Variants in SLC4A10 observed in about 807,000 individuals in gnomAD.
SLC4A10 encodes solute carrier family 4 member 10.
SLC4A10 carries 42 observed loss-of-function variants against 137.7 expected under a neutral mutation model. The observed-to-expected ratio is 0.30, with a 90% CI of 0.24 to 0.39. SLC4A10 has a LOEUF of 0.39. Ranked by LOEUF, SLC4A10 falls within the 10% of genes least tolerant of loss-of-function variation. SLC4A10 has a pLI of 1.00. For synonymous variants in SLC4A10, 474 were observed against 464.1 expected (o/e 1.02, Z -0.27); for missense variants, 925 against 1,355.0 (o/e 0.68, Z 4.98).
At chr2:161,821,785 T>C (rs896564534) in intron 3 of SLC4A10, among the ~76,000 whole-genome samples, 1 of 151,722 alleles carries the variant, frequency 6.6e-6, no homozygotes. Context: ...AAACATAATC[T>C]TAATCCCTTT....
chr2:161,948,843 C>A (rs925868944), intron 17 of SLC4A10, among the ~76,000 whole-genome samples: 7 of 152,102 alleles, frequency 4.6e-5, no homozygotes, highest in African/African-American at 9.7e-5. Flanking sequence ...TCTGAATATT[C>A]ACATGCATGG....
intron 23 of SLC4A10, among the ~76,000 whole-genome samples, chr2:161,973,071 G>A (rs529822631): frequency 6.6e-5 from 10 of 152,228 alleles, no homozygotes; most frequent in Admixed American, 1.3e-4. Flanking sequence ...AGGTGTTTCC[G>A]GAAGCTGGGT....
intron 3 of SLC4A10, 28 bp from the exon 4 acceptor site, chr2:161,839,761 A>G (rs766673995): frequency 2.5e-6 from 4 of 1,612,134 alleles, no homozygotes; most frequent in Middle Eastern, 1.7e-4. Flanking sequence ...ATACATGTTC[A>G]TGGTAATACA....
intron 1 of SLC4A10, among the ~76,000 whole-genome samples, chr2:161,690,647 C>T (rs2041885264): frequency 6.6e-6 from 1 of 152,062 alleles, no homozygotes; most frequent in African/African-American, 2.4e-5. Context: ...TTTGCATGAA[C>T]ATGGATGGAG....
intron 1 of SLC4A10, among the ~76,000 whole-genome samples, chr2:161,725,841 T>C (rs749183406): frequency 3.9e-5 from 6 of 152,228 alleles, no homozygotes; most frequent in Admixed American, 6.5e-5. Flanking sequence ...CTTTAATTGT[T>C]GGTTTTAGCA....
At chr2:161,659,541 G>A (rs1456439294) in intron 1 of SLC4A10, among the ~76,000 whole-genome samples, 1 of 152,100 alleles carries the variant, frequency 6.6e-6, no homozygotes, top group Non-Finnish European at 1.5e-5. Context: ...ATGGGTACAT[G>A]TGTATATTTT....
At position 161,971,053 on chromosome 2, in the gene SLC4A10, A is replaced by G. The variant is rs189480214; in HGVS notation, c.3160-3196A>G. Among the ~76,000 whole-genome samples the G allele has an allele frequency of 2.0e-5, 3 of 152,314 alleles. No individual in the cohort carries two copies. The East Asian group carries it at 5.8e-4, about 29-fold the overall frequency. On this transcript the variant is annotated intron_variant, in intron 23 of 26. Coordinates refer to ENST00000446997, the MANE Select transcript of SLC4A10 (RefSeq NM_001178015.2). The stretch of plus-strand genomic sequence containing the variant: ...TACAACCTTGACTTTGGTACTTTTC[A>G]TAATGATCACTTAAATTTTCTGAGA...
At chr2:161,762,511 A>G (rs143032449) in intron 1 of SLC4A10, among the ~76,000 whole-genome samples, 1 of 152,224 alleles carries the variant, frequency 6.6e-6, no homozygotes, top group Admixed American at 6.6e-5. Flanking sequence ...CTTCCATGGT[A>G]ATGAACAAAT....
intron 4 of SLC4A10, among the ~76,000 whole-genome samples, chr2:161,844,944 C>A (rs116086616): frequency 6.6e-6 from 1 of 152,050 alleles, no homozygotes; most frequent in Non-Finnish European, 1.5e-5. Context: ...AATTGGCCAA[C>A]AGTTTTATTT....
At chr2:161,905,940 C>T in intron 15 of SLC4A10, 53 bp downstream of exon 15, 1 of 1,524,000 alleles carries the variant, frequency 6.6e-7, no homozygotes, top group Admixed American at 2.2e-5. Context: ...ACAAATATTG[C>T]TATTGTTACA....
intron 15 of SLC4A10, among the ~76,000 whole-genome samples, chr2:161,914,029 A>G (rs921014998): frequency 1.3e-5 from 2 of 152,184 alleles, no homozygotes; most frequent in African/African-American, 4.8e-5. Context: ...ATGCTTAGAG[A>G]CATTGCTAAT....
chr2:161,895,983 T>C (rs1243600362), intron 11 of SLC4A10, among the ~76,000 whole-genome samples: 4 of 151,112 alleles, frequency 2.6e-5, no homozygotes, highest in Admixed American at 2.6e-4. Context: ...CATGAAGTCC[T>C]TGCCCATGCC....
chr2:161,659,105 T>G (rs1298154578), intron 1 of SLC4A10, among the ~76,000 whole-genome samples: 1 of 152,190 alleles, frequency 6.6e-6, no homozygotes, highest in African/African-American at 2.4e-5. Flanking sequence ...CCTTCATTCA[T>G]GTGTTTATTA....
chr2:161,878,670 A>G (rs1242813509), intron 8 of SLC4A10, among the ~76,000 whole-genome samples: 1 of 152,206 alleles, frequency 6.6e-6, no homozygotes, highest in African/African-American at 2.4e-5. Context: ...GGTTAAAGTC[A>G]TAATTTATAC....
At chr2:161,701,525 A>T (rs1057013561) in intron 1 of SLC4A10, among the ~76,000 whole-genome samples, 8 of 152,148 alleles carry the variant, frequency 5.3e-5, no homozygotes, top group South Asian at 4.1e-4. Context: ...TGATCACATC[A>T]GGATAATTGG....
intron 1 of SLC4A10, among the ~76,000 whole-genome samples, chr2:161,753,141 A>G (rs1338283464): frequency 9.2e-5 from 14 of 152,298 alleles, no homozygotes; most frequent in African/African-American, 2.9e-4. Flanking sequence ...AAAACAATTC[A>G]TAATCTTTGC....
intron 15 of SLC4A10, among the ~76,000 whole-genome samples, chr2:161,930,598 G>T (rs1690169721): frequency 6.6e-6 from 1 of 150,960 alleles, no homozygotes; most frequent in Non-Finnish European, 1.5e-5. Context: ...GAAACTCAGG[G>T]GTTGGGTGAT....
chr2:161,937,225 A>T (rs1691736810), intron 15 of SLC4A10, among the ~76,000 whole-genome samples: 1 of 152,174 alleles, frequency 6.6e-6, no homozygotes, highest in African/African-American at 2.4e-5. Context: ...TTAAAGTATC[A>T]TTTCAGTTAA....
At chr2:161,805,257 C>T (rs2055812914) in intron 3 of SLC4A10, among the ~76,000 whole-genome samples, 2 of 152,164 alleles carry the variant, frequency 1.3e-5, no homozygotes, top group South Asian at 4.1e-4. Flanking sequence ...TTAACTCCCA[C>T]TGGGTCCCTC....
Sources: allele counts gnomAD v4.1 joint callset (sites outside exome capture counted in the v4.1 genomes callset), GRCh38; gene constraint gnomAD v4.1.1; transcripts MANE v1.5; gene names NCBI Gene and HGNC (gene_info 2026-07-23, HGNC 2026-07-21).